The following LITAF variants were observed in gnomAD, a reference collection of about 807,000 sequenced individuals.
LITAF encodes the protein lipopolysaccharide induced TNF factor.
Under a neutral mutation model 14.5 loss-of-function variants are expected in LITAF, and 9 were observed. The ratio of observed to expected loss-of-function variants is 0.62; its 90% CI spans 0.37 to 1.08. LITAF has a LOEUF of 1.08. LITAF is among the 50% of genes least tolerant of loss of function. LITAF has a pLI of 0.01. For synonymous variants in LITAF, 98 were observed against 88.2 expected (o/e 1.11, Z -0.62); for missense variants, 206 against 213.4 (o/e 0.97, Z 0.22).
upstream of LITAF, among the ~76,000 whole-genome samples, chr16:11,638,016 A>ATC (rs2065147790): frequency 1.9e-5 from 2 of 104,018 alleles, no homozygotes; most frequent in African/African-American, 1.1e-4. Flanking sequence ...ATATATATCT[A>ATC]TATATATCTA....
At chr16:11,619,723 C>T (rs1597373639) in intron 3 of LITAF, among the ~76,000 whole-genome samples, 2 of 152,248 alleles carry the variant, frequency 1.3e-5, no homozygotes, top group South Asian at 4.1e-4. Context: ...CATGCCACCA[C>T]ATCTGGTTAA....
At chr16:11,599,768 C>T (rs983791559), upstream of LITAF, among the ~76,000 whole-genome samples, 2 of 152,098 alleles carry the variant, frequency 1.3e-5, no homozygotes, top group East Asian at 3.9e-4. Context: ...GCCACAGGGG[C>T]CTCCTCCCAG....
At chr16:11,629,404 A>G (rs1464155159) in intron 3 of LITAF, among the ~76,000 whole-genome samples, 1 of 152,362 alleles carries the variant, frequency 6.6e-6, no homozygotes, top group African/African-American at 2.4e-5. Context: ...GAAGAACAGC[A>G]GACAGGTCCC....
chr16:11,567,818 T>C (rs2064477318), intron 1 of LITAF, among the ~76,000 whole-genome samples: 1 of 152,140 alleles, frequency 6.6e-6, no homozygotes, highest in Non-Finnish European at 1.5e-5. Flanking sequence ...AACCCGGCTC[T>C]AATAAATACA....
rs373681060 is a variant in LITAF at position 11,551,499 on chromosome 16, G to C, written c.378-1754C>G. Among the ~76,000 whole-genome samples the C allele has an allele frequency of 3.9e-5, 6 of 152,254 alleles. No individual in the cohort carries two copies. The East Asian group carries it at 1.2e-3, about 29-fold the overall frequency. On this transcript the variant is annotated intron_variant, in intron 3 of 3. Coordinates refer to ENST00000622633, the MANE Select transcript of LITAF (RefSeq NM_001136472.2). ...AAGGAACAAAGGGAGGGAAAGAAAG[G>C]TTGCCTCAATTTCTAAAGCCAGACT...
upstream of LITAF, among the ~76,000 whole-genome samples, chr16:11,601,663 G>C (rs985665274): frequency 2.0e-5 from 3 of 152,076 alleles, no homozygotes; most frequent in African/African-American, 7.2e-5. Context: ...TCCACTTCCT[G>C]GGCTCAATCA....
Position 11,553,899 on chromosome 16 carries a change from C to T in LITAF, c.221-210G>A, listed in dbSNP as rs892477239. 6.6e-6 allele frequency among the ~76,000 whole-genome samples: 1 copy of T among 152,018 alleles called. No homozygotes were observed. The highest frequency in any genetic ancestry group is 6.6e-5 in the Admixed American group (1 of 15,266). On this transcript the variant is annotated intron_variant, in intron 2 of 3. Transcript: ENST00000622633. This position sits in a 1 kb window ranked among gnomAD's most constrained non-coding sequence, Gnocchi z 7.7. ...TCGACGGACCAATAAACTAACACAG[C>T]GAAGTTTATCCATCCACCAGAATAT...
upstream of LITAF, among the ~76,000 whole-genome samples, chr16:11,603,118 T>C (rs2064937271): frequency 6.6e-6 from 1 of 152,044 alleles, no homozygotes; most frequent in Non-Finnish European, 1.5e-5. Context: ...ATAGAACACA[T>C]TTAAAAATAA....
At chr16:11,588,465 T>C (rs895420336), upstream of LITAF, among the ~76,000 whole-genome samples, 2 of 146,930 alleles carry the variant, frequency 1.4e-5, no homozygotes, top group Non-Finnish European at 3.0e-5. Flanking sequence ...ATCGAGCCAC[T>C]GCACTGTAGC....
At chr16:11,606,809 G>C (rs1404503474) in intron 3 of LITAF, among the ~76,000 whole-genome samples, 3 of 151,722 alleles carry the variant, frequency 2.0e-5, no homozygotes, top group African/African-American at 7.3e-5. Flanking sequence ...TAATTTTTTT[G>C]TGTATTTTTA....
rs1169866056 is a variant in LITAF at position 11,586,665 on chromosome 16, A to T, written c.-6+221T>A. Among the ~76,000 whole-genome samples, 1 of 151,264 alleles carries T rather than the reference A, an allele frequency of 6.6e-6. No homozygotes were observed. The highest frequency in any genetic ancestry group is 1.5e-5 in the Non-Finnish European group (1 of 67,654). On this transcript the variant is annotated intron_variant, in intron 1 of 3. Coordinates refer to ENST00000622633, the MANE Select transcript of LITAF (RefSeq NM_001136472.2). The surrounding 1 kb of genome is among the most constrained non-coding windows in gnomAD (Gnocchi z 6.5). ...ACGCAGGAGCTGAACCCAACCGGAG[A>T]CGCGGCCGGGACCAGCGCTGGGAGG...
chr16:11,603,152 G>C (rs1463627947), upstream of LITAF, among the ~76,000 whole-genome samples: 1 of 152,134 alleles, frequency 6.6e-6, no homozygotes, highest in South Asian at 2.1e-4. Flanking sequence ...AACAGTAAAG[G>C]GTGCCTCCCT....
At chr16:11,579,149 A>G (rs1444973357) in intron 1 of LITAF, among the ~76,000 whole-genome samples, 2 of 151,938 alleles carry the variant, frequency 1.3e-5, no homozygotes, top group Non-Finnish European at 2.9e-5. Context: ...AGATTGTGCC[A>G]TTGCACTGCA....
At chr16:11,596,000 C>T (rs1445226706) in intron 1 of LITAF, among the ~76,000 whole-genome samples, 1 of 152,144 alleles carries the variant, frequency 6.6e-6, no homozygotes, top group Non-Finnish European at 1.5e-5. Context: ...GACAGGATAT[C>T]CCAGTGAGCA....
At chr16:11,610,594 C>T (rs955739355) in intron 3 of LITAF, among the ~76,000 whole-genome samples, 18 of 152,040 alleles carry the variant, frequency 1.2e-4, no homozygotes, top group Non-Finnish European at 2.2e-4. Flanking sequence ...GGTTTTCCCC[C>T]GAGCAAGGGA....
At chr16:11,555,358 C>T (rs2064252085) in intron 2 of LITAF, among the ~76,000 whole-genome samples, 1 of 152,172 alleles carries the variant, frequency 6.6e-6, no homozygotes, top group Non-Finnish European at 1.5e-5. Flanking sequence ...TTTTGGGGTT[C>T]AAGAATAAGT....
chr16:11,613,351 G>T (rs1471056286), intron 3 of LITAF, among the ~76,000 whole-genome samples: 1 of 152,196 alleles, frequency 6.6e-6, no homozygotes, highest in African/African-American at 2.4e-5. Context: ...TTGACAGAGA[G>T]ACCAGACCTC....
At chr16:11,629,737 G>A (rs949731130) in intron 3 of LITAF, among the ~76,000 whole-genome samples, 4 of 152,164 alleles carry the variant, frequency 2.6e-5, no homozygotes, top group African/African-American at 7.2e-5. Context: ...CCAGGGCTTC[G>A]GAGGCAGAGG....
chr16:11,554,169 A>T (rs2064229938), intron 2 of LITAF, among the ~76,000 whole-genome samples: 1 of 152,062 alleles, frequency 6.6e-6, no homozygotes, highest in Non-Finnish European at 1.5e-5. Context: ...GAGATTGAGG[A>T]TGCAGTGAAT....
Sources: gnomAD v4.1 joint callset for allele counts (sites outside exome capture counted in the v4.1 genomes callset) on GRCh38, gnomAD v4.1.1 for gene constraint, Gnocchi (gnomAD v3.1) non-coding constraint, MANE v1.5 for transcripts, NCBI Gene and HGNC (gene_info 2026-07-23, HGNC 2026-07-21) for gene names.